EXOC4: variants seen among roughly 807,000 people sequenced by gnomAD.
EXOC4 encodes the protein SEC8-like 1.
EXOC4 carries 71 observed loss-of-function variants against 107.2 expected under a neutral mutation model. The ratio of observed to expected loss-of-function variants is 0.66; its 90% CI spans 0.55 to 0.81. EXOC4 has a LOEUF of 0.81. Among genes scored for constraint, EXOC4 ranks in the 30% least tolerant of loss-of-function variants. EXOC4 has a pLI of 0.00. For missense variants in EXOC4, 1,108 were observed against 1,189.6 expected (o/e 0.93, Z 1.01); for synonymous variants, 456 against 441.2 (o/e 1.03, Z -0.42).
intron 10 of EXOC4, among the ~76,000 whole-genome samples, chr7:133,719,170 G>A (rs1328017896): frequency 6.6e-6 from 1 of 152,156 alleles, no homozygotes; most frequent in Non-Finnish European, 1.5e-5. Context: ...AAAAAGAGCA[G>A]TTTCCCTGCA....
At chr7:133,664,877 A>G (rs1004628307) in intron 10 of EXOC4, among the ~76,000 whole-genome samples, 2 of 152,106 alleles carry the variant, frequency 1.3e-5, no homozygotes, top group Non-Finnish European at 2.9e-5. Flanking sequence ...TCATCCAAAG[A>G]TGCAAAGAAA....
intron 9 of EXOC4, among the ~76,000 whole-genome samples, chr7:133,564,356 T>C (rs1800866207): frequency 6.6e-6 from 1 of 152,094 alleles, no homozygotes; most frequent in Admixed American, 6.5e-5. Flanking sequence ...CTCACTATCA[T>C]GAGAACAGCA....
intron 9 of EXOC4, among the ~76,000 whole-genome samples, chr7:133,610,863 G>A (rs367572854): frequency 4.1e-5 from 6 of 147,254 alleles, no homozygotes; most frequent in Non-Finnish European, 5.9e-5. Flanking sequence ...CCAGGTTGCC[G>A]TGCAGTGACG....
chr7:134,043,719 TG>T (rs1379454730), intron 17 of EXOC4, among the ~76,000 whole-genome samples: 1 of 152,026 alleles, frequency 6.6e-6, no homozygotes, highest in Non-Finnish European at 1.5e-5. Flanking sequence ...AGGAGTGCAA[TG>T]GTTTCGGGGG....
chr7:133,608,502 A>G (rs1802001088), intron 9 of EXOC4, among the ~76,000 whole-genome samples: 2 of 151,960 alleles, frequency 1.3e-5, no homozygotes, highest in East Asian at 3.9e-4. Context: ...GGATGTGGGG[A>G]AAATTAATAA....
chr7:133,692,229 G>A (rs1794437067), intron 10 of EXOC4, among the ~76,000 whole-genome samples: 1 of 152,124 alleles, frequency 6.6e-6, no homozygotes, highest in African/African-American at 2.4e-5. Flanking sequence ...TATTTCTAGA[G>A]TCCAGCTATG....
At chr7:133,440,796 AG>A (rs1798086090) in intron 7 of EXOC4, among the ~76,000 whole-genome samples, 1 of 152,236 alleles carries the variant, frequency 6.6e-6, no homozygotes, top group Non-Finnish European at 1.5e-5. Context: ...TACCCTAAAA[AG>A]GGGAGAGATG....
chr7:133,901,985 C>T (rs1799461258), intron 12 of EXOC4, among the ~76,000 whole-genome samples: 1 of 152,298 alleles, frequency 6.6e-6, no homozygotes, highest in Admixed American at 6.5e-5. Flanking sequence ...ATCAAGATAA[C>T]CAAGAGCCAA....
At chr7:133,357,827 G>T (rs1409416189) in intron 6 of EXOC4, among the ~76,000 whole-genome samples, 2 of 152,026 alleles carry the variant, frequency 1.3e-5, no homozygotes, top group Non-Finnish European at 2.9e-5. Flanking sequence ...TTGTAAACTT[G>T]ATTCAAAAGT....
intron 10 of EXOC4, among the ~76,000 whole-genome samples, chr7:133,694,923 A>G (rs1794499611): frequency 6.6e-6 from 1 of 152,116 alleles, no homozygotes; most frequent in African/African-American, 2.4e-5. Context: ...CCTGGGTTCA[A>G]GCGATTCTCC....
intron 10 of EXOC4, among the ~76,000 whole-genome samples, chr7:133,782,236 A>G (rs546407432): frequency 2.7e-4 from 41 of 152,352 alleles, no homozygotes; most frequent in African/African-American, 9.6e-4. Context: ...CCATATCCAT[A>G]GGTTTACTAA....
intron 17 of EXOC4, among the ~76,000 whole-genome samples, chr7:134,013,951 A>C (rs1585322057): frequency 6.6e-6 from 1 of 152,222 alleles, no homozygotes; most frequent in East Asian, 1.9e-4. Flanking sequence ...AGAAATGTAA[A>C]ATGGTGCAGC....
chr7:133,799,957 C>T (rs1262335530), intron 10 of EXOC4, among the ~76,000 whole-genome samples: 1 of 152,142 alleles, frequency 6.6e-6, no homozygotes, highest in Admixed American at 6.6e-5. Flanking sequence ...ATACCAAGAA[C>T]TTAGTGAGTC....
At chr7:133,277,558 A>T (rs1794024718) in intron 2 of EXOC4, among the ~76,000 whole-genome samples, 1 of 152,220 alleles carries the variant, frequency 6.6e-6, no homozygotes, top group African/African-American at 2.4e-5. Context: ...TTGTTTTAGT[A>T]GCCACGTTTC....
chr7:133,454,096 GA>G (rs1426522870), intron 7 of EXOC4, among the ~76,000 whole-genome samples: 3 of 152,082 alleles, frequency 2.0e-5, no homozygotes, highest in African/African-American at 7.2e-5. Flanking sequence ...CAATCTTAAA[GA>G]AAATTAAAGA....
intron 10 of EXOC4, among the ~76,000 whole-genome samples, chr7:133,635,177 T>A (rs1802679788): frequency 6.6e-6 from 1 of 152,156 alleles, no homozygotes; most frequent in Non-Finnish European, 1.5e-5. Context: ...TTAACCATGA[T>A]CTGCATATAA....
At chr7:133,613,396 T>C (rs1364977682) in intron 9 of EXOC4, among the ~76,000 whole-genome samples, 1 of 152,190 alleles carries the variant, frequency 6.6e-6, no homozygotes, top group African/African-American at 2.4e-5. Flanking sequence ...CTTAAACTGC[T>C]GTGTGATACT....
intron 10 of EXOC4, among the ~76,000 whole-genome samples, chr7:133,713,395 A>G (rs1250929666): frequency 6.6e-6 from 1 of 152,154 alleles, no homozygotes; most frequent in African/African-American, 2.4e-5. Flanking sequence ...GTTACATAAC[A>G]GTCATTAATT....
chr7:133,551,726 T>G (rs1160321104), intron 9 of EXOC4: 1 of 152,128 alleles, frequency 6.6e-6, no homozygotes, highest in Non-Finnish European at 1.5e-5. Flanking sequence ...TCTAGCTGAT[T>G]TTCATTCACT....
Sources: allele counts gnomAD v4.1 joint callset (sites outside exome capture counted in the v4.1 genomes callset), GRCh38; gene constraint gnomAD v4.1.1; transcripts MANE v1.5; gene names NCBI Gene and HGNC (gene_info 2026-07-23, HGNC 2026-07-21).